The following BNC2 variants were observed in gnomAD, a reference collection of about 807,000 sequenced individuals.
BNC2 encodes the protein zinc finger protein basonuclin-2.
BNC2 carries 20 observed loss-of-function variants against 76.3 expected under a neutral mutation model. That is an observed-to-expected ratio of 0.26 (90% CI 0.18 to 0.38). The LOEUF (loss-of-function observed/expected upper bound fraction) is 0.38. Ranked by LOEUF, BNC2 falls within the 10% of genes least tolerant of loss-of-function variation. The pLI is 1.00. For missense variants in BNC2, 1,382 were observed against 1,399.8 expected (o/e 0.99, Z 0.20); for synonymous variants, 582 against 514.8 (o/e 1.13, Z -1.77).
In BNC2 at chr9:16,619,196, C is replaced by T. The variant is rs1002901431; in HGVS notation, c.331-36111G>A. On this transcript the variant is annotated intron_variant, in intron 3 of 6. Coordinates refer to ENST00000380672, the MANE Select transcript of BNC2 (RefSeq NM_017637.6). ...AAAAGGGAAACATGAAGCCAAAATT[C>T]CTGGTTAAAATATTCACAGAAAAAT... 5.9e-5 allele frequency among the ~76,000 whole-genome samples: 9 copies of T among 152,210 alleles called. No individual in the cohort carries two copies. The East Asian group carries it at 1.7e-3, about 29-fold the overall frequency.
chr9:16,496,986 T>G (rs1229705171), intron 5 of BNC2, among the ~76,000 whole-genome samples: 1 of 152,230 alleles, frequency 6.6e-6, no homozygotes, highest in African/African-American at 2.4e-5. Context: ...TGGCATTAGA[T>G]ATGCACGATG....
chr9:16,859,679 G>A lies in BNC2; in HGVS notation c.3+10967C>T, dbSNP rs12235548. On this transcript the variant is annotated intron_variant, in intron 1 of 6. Transcript: ENST00000380672. Reference sequence around the variant, plus strand: ...GGCAAACTCTTAGAAATAGAAGCTAGAATAGTGGTTTCCCAGGGCTGGGAG... The same window carrying A: ...GGCAAACTCTTAGAAATAGAAGCTAAAATAGTGGTTTCCCAGGGCTGGGAG... 4.6e-5 allele frequency among the ~76,000 whole-genome samples: 7 copies of A among 152,308 alleles called. No individual in the cohort carries two copies. In the East Asian group the frequency reaches 1.4e-3, roughly 29 times the overall value.
At chr9:16,850,563 T>C (rs1376625246) in intron 1 of BNC2, among the ~76,000 whole-genome samples, 2 of 152,210 alleles carry the variant, frequency 1.3e-5, no homozygotes, top group Admixed American at 1.3e-4. Flanking sequence ...AAAATCAATG[T>C]TGTCTTTTTT....
chr9:16,639,976 A>G (rs1821444459), intron 3 of BNC2, among the ~76,000 whole-genome samples: 1 of 152,108 alleles, frequency 6.6e-6, no homozygotes, highest in South Asian at 2.1e-4. Context: ...TTAGTGACAG[A>G]CAGCTTGAGG....
chr9:16,727,449 G>A, intron 3 of BNC2: 1 of 255,284 alleles, frequency 3.9e-6, no homozygotes, highest in South Asian at 5.6e-5. Flanking sequence ...GATTCATATT[G>A]ATAGATACAT....
intron 6 of BNC2, chr9:16,435,244 C>T (rs916826675): frequency 1.6e-5 from 7 of 429,654 alleles, no homozygotes; most frequent in South Asian, 4.4e-5. Flanking sequence ...AGCAGGGAAC[C>T]GTGTACATAG....
Position 16,667,701 on chromosome 9 carries a change from T to C in BNC2, c.330+60096A>G, listed in dbSNP as rs543306572. Among the ~76,000 whole-genome samples the C allele has an allele frequency of 8.5e-5, 13 of 152,272 alleles. 2 individuals carry two copies. The South Asian group carries it at 2.1e-3, about 24-fold the overall frequency. On this transcript the variant is annotated intron_variant, in intron 3 of 6. Coordinates refer to ENST00000380672, the MANE Select transcript of BNC2 (RefSeq NM_017637.6). ...CAAAACATTTACCACATTTGTAATA[T>C]GAAAGTTAAGAAAGGTATAGTTCAA... is the stretch of plus-strand genomic sequence containing the variant.
chr9:16,694,200 T>TCAACACCAAA (rs1823267560), intron 3 of BNC2, among the ~76,000 whole-genome samples: 1 of 151,904 alleles, frequency 6.6e-6, no homozygotes, highest in Non-Finnish European at 1.5e-5. Context: ...GGAAAAAGGG[T>TCAACACCAAA]GATTGAAAAA....
At chr9:16,787,401 A>C (rs12002659) in intron 1 of BNC2, among the ~76,000 whole-genome samples, 4,130 of 152,272 alleles carry the variant, frequency 0.027, 177 homozygotes, top group African/African-American at 0.093. Flanking sequence ...ATGTGCATGA[A>C]AGAGTATGGA....
At chr9:16,808,618 A>C (rs984430137) in intron 1 of BNC2, among the ~76,000 whole-genome samples, 1 of 151,146 alleles carries the variant, frequency 6.6e-6, no homozygotes, top group African/African-American at 2.4e-5. Flanking sequence ...CCTCCTGAGT[A>C]ACTGGGACTA....
intron 1 of BNC2, among the ~76,000 whole-genome samples, chr9:16,786,990 G>C (rs1826312938): frequency 2.0e-5 from 3 of 152,152 alleles, no homozygotes; most frequent in Admixed American, 2.0e-4. Flanking sequence ...CTAGAGACGA[G>C]TAACAGTGAT....
At chr9:16,753,629 G>A (rs558072158) in intron 1 of BNC2, among the ~76,000 whole-genome samples, 2 of 152,174 alleles carry the variant, frequency 1.3e-5, no homozygotes, top group Admixed American at 6.5e-5. Flanking sequence ...CAACGGGTAA[G>A]TCTTACATGT....
At chr9:16,761,618 T>G (rs1044921165) in intron 1 of BNC2, among the ~76,000 whole-genome samples, 1 of 152,202 alleles carries the variant, frequency 6.6e-6, no homozygotes, top group African/African-American at 2.4e-5. Flanking sequence ...TAAAGCAACA[T>G]ACTCGTAAGT....
intron 3 of BNC2, among the ~76,000 whole-genome samples, chr9:16,601,311 G>C (rs952802931): frequency 2.0e-5 from 3 of 152,076 alleles, no homozygotes; most frequent in Non-Finnish European, 2.9e-5. Context: ...TGTACCTCGG[G>C]CACCTCATTT....
At chr9:16,479,257 AAAAAAAG>A (rs1157181113) in intron 5 of BNC2, among the ~76,000 whole-genome samples, 7 of 149,032 alleles carry the variant, frequency 4.7e-5, no homozygotes, top group Admixed American at 2.0e-4. Flanking sequence ...CTCAAAAAAA[AAAAAAAG>A]AAAAGAAAAG....
At chr9:16,767,413 C>T (rs1458039682) in intron 1 of BNC2, among the ~76,000 whole-genome samples, 2 of 152,168 alleles carry the variant, frequency 1.3e-5, no homozygotes, top group Admixed American at 6.5e-5. Flanking sequence ...AAGGGCGGTA[C>T]ATGCTAAGGG....
At chr9:16,766,667 ACAAAAATTAGTTCATTTCT>A in intron 1 of BNC2, among the ~76,000 whole-genome samples, 1 of 152,386 alleles carries the variant, frequency 6.6e-6, no homozygotes, top group East Asian at 1.9e-4. Flanking sequence ...TCTCCAGACC[ACAAAAATTAGTTCATTTCT>A]CAAATCTTTT....
At chr9:16,847,276 G>C (rs533470451) in intron 1 of BNC2, among the ~76,000 whole-genome samples, 2 of 152,132 alleles carry the variant, frequency 1.3e-5, no homozygotes, top group South Asian at 4.2e-4. Context: ...AAGACTCAAA[G>C]AAAGGTTATG....
intron 1 of BNC2, among the ~76,000 whole-genome samples, chr9:16,841,743 T>C (rs972955349): frequency 3.3e-5 from 5 of 151,806 alleles, no homozygotes; most frequent in African/African-American, 1.2e-4. Flanking sequence ...AAGAGCTGCA[T>C]GCATGATGAC....
Sources: gnomAD v4.1 joint callset for allele counts (sites outside exome capture counted in the v4.1 genomes callset) on GRCh38, gnomAD v4.1.1 for gene constraint, MANE v1.5 for transcripts, NCBI Gene and HGNC (gene_info 2026-07-23, HGNC 2026-07-21) for gene names.